PLXNB2: variants seen among roughly 807,000 people sequenced by gnomAD.
The protein encoded by PLXNB2 is plexin B2.
PLXNB2 carries 85 observed loss-of-function variants against 202.6 expected under a neutral mutation model. The ratio of observed to expected loss-of-function variants is 0.42; its 90% CI spans 0.35 to 0.50. The LOEUF is 0.50. Ranked by LOEUF, PLXNB2 falls within the 20% of genes least tolerant of loss-of-function variation. The probability of loss-of-function intolerance (pLI) is 0.02; values close to 1 mark genes in which losing one functional copy is unlikely to be tolerated. For missense variants in PLXNB2, 2,063 were observed against 2,586.2 expected, an observed-to-expected ratio of 0.80 and a Z score of 4.39; for synonymous variants, 1,239 against 1,137.6, an observed-to-expected ratio of 1.09 and a Z score of -1.79.
chr22:50,275,636 C>T lies in PLXNB2; in HGVS notation c.*68G>A, dbSNP rs1346506557. ...GGGGCCTCAGCCACAGCCACTCGGCCTCCTCCCCTGAGGGGCTCTCAGGTA... is the reference window on the plus strand; with the variant it reads ...GGGGCCTCAGCCACAGCCACTCGGCTTCCTCCCCTGAGGGGCTCTCAGGTA... On this transcript the variant is annotated 3_prime_UTR_variant, in exon 37 of 37. Transcript: ENST00000359337. The T allele has an allele frequency of 8.7e-7, 1 of 1,154,652 alleles. No individual in the cohort carries two copies. The highest frequency in any genetic ancestry group is 1.2e-6 in the Non-Finnish European group (1 of 800,414). The allele number at this position is 1,154,652 out of a possible 1,614,324, so 71.5% of individuals were successfully genotyped here. A position where few individuals can be genotyped will look rare whatever the true frequency, so the allele number is the denominator to read the frequency against.
chr22:50,306,573 C>T (rs1341155598), intron 1 of PLXNB2, among the ~76,000 whole-genome samples: 1 of 151,764 alleles, frequency 6.6e-6, no homozygotes, highest in Non-Finnish European at 1.5e-5. Context: ...TGCGCCGAAC[C>T]TCCAAGCAAG....
In PLXNB2 at chr22:50,284,022, C is replaced by T. The variant is rs758610164; in HGVS notation, c.2264-32G>A. ...GGAGAGCTGCCGTCAGTGGTCACCC[C>T]GTGCCTGCCCGCCCCCGACCTGCTC... On this transcript the variant is annotated intron_variant, in intron 13 of 36. Coordinates refer to ENST00000359337, the MANE Select transcript of PLXNB2 (RefSeq NM_012401.4). This position sits in a 1 kb window ranked among gnomAD's most constrained non-coding sequence, Gnocchi z 8.0. 5 of 1,526,376 alleles carry T rather than the reference C, an allele frequency of 3.3e-6. No homozygotes were observed. Among genetic ancestry groups the T allele is most frequent in the South Asian group, 2.4e-5 (2 of 82,474 alleles). 94.6% of individuals were successfully genotyped at this position (1,526,376 alleles called of 1,614,324 possible).
intron 10 of PLXNB2, 40 bp downstream of exon 10, chr22:50,285,950 C>A: frequency 6.2e-7 from 1 of 1,602,826 alleles, no homozygotes; most frequent in Non-Finnish European, 8.5e-7. Flanking sequence ...GCGGAGCAGC[C>A]ATGCCCTGAA....
At chr22:50,303,946 C>A (rs976707048) in intron 1 of PLXNB2, among the ~76,000 whole-genome samples, 21 of 152,224 alleles carry the variant, frequency 1.4e-4, no homozygotes, top group African/African-American at 4.6e-4. Context: ...TGGACCTGCC[C>A]CCAGGCGCCC....
At chr22:50,304,319 G>A (rs949413124) in intron 1 of PLXNB2, among the ~76,000 whole-genome samples, 2 of 152,200 alleles carry the variant, frequency 1.3e-5, no homozygotes, top group African/African-American at 4.8e-5. Context: ...TCCACTGGGG[G>A]GGTGCGGGGT....
chr22:50,283,934 T>C lies in PLXNB2; in HGVS notation c.2320A>G (p.Asn774Asp), dbSNP rs1238613070. The part of the protein sequence containing the change: ...RSDCSLCRAA[N>D]PDYRCAWCGG... ...CACCACGCACACCTGTAGTCGGGGTTAGCGGCCCGGCACAGGCTGCAGTCG... is the reference window on the plus strand; with the variant it reads ...CACCACGCACACCTGTAGTCGGGGTCAGCGGCCCGGCACAGGCTGCAGTCG... The change falls in exon 14 of 37, where the codon AAC (asparagine) becomes GAC (aspartate). Residue 774 changes from asparagine to aspartate, a missense_variant. Asn to Asp is a conservative substitution (Grantham distance 23, BLOSUM62 1). Coordinates refer to ENST00000359337, the MANE Select transcript of PLXNB2 (RefSeq NM_012401.4). 4.5e-6 allele frequency: 7 copies of C among 1,565,040 alleles called. No homozygotes were observed. The Admixed American group carries it at 1.3e-4, about 30-fold the overall frequency.
intron 1 of PLXNB2, among the ~76,000 whole-genome samples, chr22:50,306,260 C>T (rs549624797): frequency 5.3e-5 from 8 of 152,376 alleles, no homozygotes; most frequent in African/African-American, 1.7e-4. Flanking sequence ...GTGGGCCCCC[C>T]ATAGGTACCG....
At chr22:50,295,130 T>C (rs2067164058) in intron 1 of PLXNB2, among the ~76,000 whole-genome samples, 1 of 151,874 alleles carries the variant, frequency 6.6e-6, no homozygotes, top group Non-Finnish European at 1.5e-5. Flanking sequence ...ACCATCCTGG[T>C]GAACACAGTG....
rs1282794031 is a variant in PLXNB2 at position 50,290,453 on chromosome 22, G to A, written c.132C>T (p.Gly44=). The change falls in exon 3 of 37, where the codon GGC becomes GGT. Residue 44 remains glycine (G), a synonymous_variant. Coordinates refer to ENST00000359337, the MANE Select transcript of PLXNB2 (RefSeq NM_012401.4). ...CATTCACCGCCCCCAGGTACACCACGCCTGAGGCCTCATCCACAGCCAGGT... is the reference window on the plus strand; with the variant it reads ...CATTCACCGCCCCCAGGTACACCACACCTGAGGCCTCATCCACAGCCAGGT... ...LNHLAVDEAS[G]VVYLGAVNAL... 9 of 1,612,888 alleles carry A rather than the reference G, an allele frequency of 5.6e-6. No homozygotes were observed. The highest frequency in any genetic ancestry group is 1.3e-5 in the African/African-American group (1 of 75,066).
rs1448652231 is a variant in PLXNB2, at chr22:50,278,133, C to T, written c.4871G>A (p.Arg1624Gln). 1.2e-6 allele frequency: 2 copies of T among 1,602,690 alleles called. No homozygotes were observed. Among genetic ancestry groups the T allele is most frequent in the Non-Finnish European group, 1.7e-6 (2 of 1,179,674 alleles). ...TKAITEIYLT[R>Q]LLSVKGTLQQ... ...GGGGCCCACCTTGACTGAGAGCAGC[C>T]GCGTCAGGTAGATCTCGGTGATGGC... is the stretch of plus-strand genomic sequence containing the variant. The change falls in exon 31 of 37, where the codon CGG (arginine) becomes CAG (glutamine). Residue 1624 changes from arginine to glutamine, a missense_variant. Transcript: ENST00000359337.
chr22:50,282,356 G>T, intron 18 of PLXNB2, 43 bp from the exon 19 acceptor site: 2 of 1,561,756 alleles, frequency 1.3e-6, no homozygotes, highest in Non-Finnish European at 1.7e-6. Context: ...GGCAGGGGTG[G>T]TCCCTGCAGC....
chr22:50,300,217 A>G (rs868664117), intron 1 of PLXNB2: 1 of 959,092 alleles, frequency 1.0e-6, no homozygotes, highest in African/African-American at 1.8e-5. Flanking sequence ...CCGAGTAACA[A>G]TGACGGCGGC....
intron 1 of PLXNB2, among the ~76,000 whole-genome samples, chr22:50,306,056 T>A (rs1418428862): frequency 6.6e-6 from 1 of 152,178 alleles, no homozygotes; most frequent in East Asian, 1.9e-4. Flanking sequence ...TGGATCCTTC[T>A]CCCACGCTGC....
rs1178798885 is a variant in PLXNB2 at position 50,286,291 on chromosome 22, C to T, written c.1763-4G>A. 8.1e-6 allele frequency: 13 copies of T among 1,606,918 alleles called. No homozygotes were observed. Among genetic ancestry groups the T allele is most frequent in the Non-Finnish European group, 1.1e-5 (13 of 1,174,596 alleles). On this transcript the variant is annotated splice_polypyrimidine_tract_variant and splice_region_variant and intron_variant, in intron 8 of 36. Coordinates refer to ENST00000359337, the MANE Select transcript of PLXNB2 (RefSeq NM_012401.4). The stretch of plus-strand genomic sequence containing the variant: ...TGGATGGTCACGGCCACGTGGTCTG[C>T]AGACAGCAGAGGGGGAGGTGTCAAG...
chr22:50,282,823 T>A lies in PLXNB2; in HGVS notation c.2875A>T (p.Met959Leu), dbSNP rs62621407. The A allele has an allele frequency of 2.5e-6, 4 of 1,612,784 alleles. No individual in the cohort carries two copies. In the African/African-American group the frequency reaches 5.3e-5, roughly 22 times the overall value. Residue 959 changes from methionine to leucine, a missense_variant, in exon 18 of 37, where the codon ATG becomes TTG. By Grantham distance (15) the Met-to-Leu change is conservative. This residue lies in a region of PLXNB2 where 1,303 missense variants were observed against 1,476.8 expected (regional missense o/e 0.88). Coordinates refer to ENST00000359337, the MANE Select transcript of PLXNB2 (RefSeq NM_012401.4). ...VTGPQATRGQ[M>L]LLEVSYGGSP... is the part of the protein sequence containing the mutation. Reference sequence around the variant, plus strand: ...CCCCCGTAGGAGACCTCCAGAAGCATCTGGCCCCGTGTCGCCTGGGGGCCA... The same window carrying A: ...CCCCCGTAGGAGACCTCCAGAAGCAACTGGCCCCGTGTCGCCTGGGGGCCA...
rs1156953455 is a variant in PLXNB2, at chr22:50,278,457, G to C, written c.4710C>G (p.Ser1570Arg). The change falls in exon 30 of 37, where the codon AGC (serine) becomes AGG (arginine). Residue 1570 changes from serine to arginine, a missense_variant. Physicochemically the swap from Ser to Arg is moderately radical, Grantham distance 110 (BLOSUM62 -1). Around this residue, in one of 2 missense-constraint regions of PLXNB2, gnomAD observed 760 missense variants for 1,109.4 expected, o/e 0.69. Transcript: ENST00000359337. ...CACGCTCCCCAGGCAGGTCCTGCTG[G>C]CTGTCCTCCGGCTGCTGGGAGACCC... ...KVGVSQQPED[S>R]QQDLPGERHA... The C allele has an allele frequency of 1.9e-6, 3 of 1,558,920 alleles. No individual in the cohort carries two copies. Among genetic ancestry groups the C allele is most frequent in the Admixed American group, 3.9e-5 (2 of 51,700 alleles).
In PLXNB2 at chr22:50,285,996, G is replaced by A. The variant is rs1197142411; in HGVS notation, c.1980C>T (p.Ala660=). ...AGGCCCCGAGGCCCCTCACCATGTG[G>A]GCACGGACGATGCCGTCCTCAGGGT... ...SPNPEDGIVR[A]HMEDSCPQFL... is the part of the protein sequence containing the mutation. The change falls in exon 10 of 37, where the codon GCC becomes GCT. Residue 660 remains alanine (A), a synonymous_variant. Transcript: ENST00000359337. The A allele has an allele frequency of 2.5e-6, 4 of 1,612,182 alleles. No homozygotes were observed. The highest frequency in any genetic ancestry group is 3.4e-6 in the Non-Finnish European group (4 of 1,179,746).
Position 50,280,733 on chromosome 22 carries a change from G to T in PLXNB2, c.3993+11C>A. 1 of 854,776 alleles carries T rather than the reference G, an allele frequency of 1.2e-6. No individual in the cohort carries two copies. Among genetic ancestry groups the T allele is most frequent in the Non-Finnish European group, 1.9e-6 (1 of 540,312 alleles). The allele number at this position is 854,776 out of a possible 1,614,324, so 52.9% of individuals were successfully genotyped here. On this transcript the variant is annotated intron_variant, in intron 24 of 36. Transcript: ENST00000359337. ...CTGTGTGCCCTCCCGCCCGCCCGAC[G>T]CCTGGCTCACATTGATGAGGAAAGA...
Position 50,291,765 on chromosome 22 carries a change from C to T in PLXNB2, c.-13-1168G>A, listed in dbSNP as rs1039124683. 1.3e-5 allele frequency among the ~76,000 whole-genome samples: 2 copies of T among 152,182 alleles called. No homozygotes were observed. The highest frequency in any genetic ancestry group is 4.8e-5 in the African/African-American group (2 of 41,452). ...TGCCAGTGCCCCCTCCTCATGCTCACAACCACCCCCACTCCTGGGCCCACC... is the reference window on the plus strand; with the variant it reads ...TGCCAGTGCCCCCTCCTCATGCTCATAACCACCCCCACTCCTGGGCCCACC... On this transcript the variant is annotated intron_variant, in intron 2 of 36. Coordinates refer to ENST00000359337, the MANE Select transcript of PLXNB2 (RefSeq NM_012401.4). This position sits in a 1 kb window ranked among gnomAD's most constrained non-coding sequence, Gnocchi z 4.3.
Sources: allele counts gnomAD v4.1 joint callset (sites outside exome capture counted in the v4.1 genomes callset), GRCh38; gene constraint gnomAD v4.1.1; regional missense constraint gnomAD v4.1.1; non-coding constraint Gnocchi (gnomAD v3.1); transcripts MANE v1.5; gene names NCBI Gene and HGNC (gene_info 2026-07-23, HGNC 2026-07-21).